ADGRL3: variants seen among roughly 807,000 people sequenced by gnomAD.
The protein encoded by ADGRL3 is adhesion G protein-coupled receptor L3.
ADGRL3 carries 62 observed loss-of-function variants against 153.5 expected under a neutral mutation model. That is an observed-to-expected ratio of 0.40 (90% confidence interval 0.33 to 0.50). The LOEUF (loss-of-function observed/expected upper bound fraction) is 0.50, where lower values mean the gene tolerates loss of function less well. Among genes scored for constraint, ADGRL3 ranks in the 20% least tolerant of loss-of-function variants. The pLI, the probability that ADGRL3 is intolerant of heterozygous loss-of-function variation, is 0.47. For synonymous variants in ADGRL3, 710 were observed against 672.5 expected (o/e 1.06, Z -0.86); for missense variants, 1,641 against 1,859.4 (o/e 0.88, Z 2.16).
In ADGRL3 at chr4:61,626,618, A is replaced by G. The variant is rs181922725; in HGVS notation, c.473+39178A>G. Among the ~76,000 whole-genome samples, 726 of 152,202 alleles carry G rather than the reference A, an allele frequency of 4.8e-3. 1 individual carries two copies. Among genetic ancestry groups the G allele is most frequent in the Non-Finnish European group, 8.4e-3 (572 of 67,940 alleles). On this transcript the variant is annotated intron_variant, in intron 5 of 26. Coordinates refer to ENST00000683033, the MANE Select transcript of ADGRL3 (RefSeq NM_001387552.1). Reference sequence around the variant, plus strand: ...GTTTATATAAATCCCTTATTTTATAATTGTATTTTCTATTATAACTTTATG... The same window carrying G: ...GTTTATATAAATCCCTTATTTTATAGTTGTATTTTCTATTATAACTTTATG...
chr4:61,919,806 G>A (rs2098760357), intron 13 of ADGRL3, among the ~76,000 whole-genome samples: 1 of 152,176 alleles, frequency 6.6e-6, no homozygotes, highest in African/African-American at 2.4e-5. Flanking sequence ...TGGCGAATGT[G>A]TCAGGTTAGA....
At chr4:61,519,412 TA>T (rs1488601793) in intron 4 of ADGRL3, among the ~76,000 whole-genome samples, 1 of 152,198 alleles carries the variant, frequency 6.6e-6, no homozygotes, top group Non-Finnish European at 1.5e-5. Context: ...TTTTATGTGA[TA>T]TTTTTAATGG....
At chr4:61,449,800 T>A (rs916116978) in intron 2 of ADGRL3, among the ~76,000 whole-genome samples, 15 of 152,152 alleles carry the variant, frequency 9.9e-5, no homozygotes, top group Admixed American at 5.2e-4. Context: ...GGTAACGTGT[T>A]CATATTCACC....
chr4:61,601,416 TG>T (rs1214025236), intron 5 of ADGRL3, among the ~76,000 whole-genome samples: 1 of 152,192 alleles, frequency 6.6e-6, no homozygotes, highest in East Asian at 1.9e-4. Context: ...AATCAATTTA[TG>T]TCAATTAAAC....
intron 5 of ADGRL3, among the ~76,000 whole-genome samples, chr4:61,593,897 T>A (rs893322228): frequency 6.6e-6 from 1 of 152,028 alleles, no homozygotes; most frequent in African/African-American, 2.4e-5. Context: ...ATCCCCCTTG[T>A]CTCTGTCTCT....
Position 61,948,182 on chromosome 4 carries a change from G to T in ADGRL3, c.2711G>T (p.Gly904Val). 1 of 1,613,750 alleles carries T rather than the reference G, an allele frequency of 6.2e-7. No homozygotes were observed. The highest frequency in any genetic ancestry group is 8.5e-7 in the Non-Finnish European group (1 of 1,179,820). ...RTMTGYWSTQ[G>V]CRLLTTNKTH... ...ATGACAGGTTATTGGTCAACACAAG[G>T]CTGTCGGCTCCTGACAACAAATAAG... Residue 904 changes from glycine (G) to valine (V), a missense_variant, in exon 17 of 27, where the codon GGC becomes GTC. Gly to Val is a moderately radical substitution (Grantham distance 109, BLOSUM62 -3). Coordinates refer to ENST00000683033, the MANE Select transcript of ADGRL3 (RefSeq NM_001387552.1).
intron 5 of ADGRL3, among the ~76,000 whole-genome samples, chr4:61,638,846 C>T (rs2093543482): frequency 6.6e-6 from 1 of 152,190 alleles, no homozygotes; most frequent in Non-Finnish European, 1.5e-5. Context: ...TTGGCTCTGA[C>T]TCACTTCAGT....
intron 21 of ADGRL3, among the ~76,000 whole-genome samples, chr4:62,010,560 A>G (rs1169838321): frequency 6.6e-6 from 1 of 152,186 alleles, no homozygotes; most frequent in African/African-American, 2.4e-5. Flanking sequence ...AGAACAATAT[A>G]AGAATGTCAT....
rs2098927599 is a variant in ADGRL3 at position 61,946,940 on chromosome 4, T to C, written c.2446T>C (p.Tyr816His). ...NGEIRVAFVL[Y>H]NNLGPYLSTE... The stretch of plus-strand genomic sequence containing the variant: ...AGAGATCAGAGTGGCCTTTGTCCTG[T>C]ATAACAACTTGGGTCCTTATTTATC... The change falls in exon 16 of 27, where the codon TAT becomes CAT. Residue 816 changes from tyrosine (Y) to histidine (H), a missense_variant. Coordinates refer to ENST00000683033, the MANE Select transcript of ADGRL3 (RefSeq NM_001387552.1). 6.2e-7 allele frequency: 1 copy of C among 1,613,828 alleles called. No individual in the cohort carries two copies. Among genetic ancestry groups the C allele is most frequent in the East Asian group, 2.2e-5 (1 of 44,842 alleles).
intron 5 of ADGRL3, among the ~76,000 whole-genome samples, chr4:61,598,571 C>A (rs1221123648): frequency 6.6e-6 from 1 of 152,130 alleles, no homozygotes; most frequent in Admixed American, 6.5e-5. Flanking sequence ...ATGGTTACAG[C>A]ATGAACTCAA....
intron 5 of ADGRL3, among the ~76,000 whole-genome samples, chr4:61,641,177 C>A (rs1489223050): frequency 2.0e-5 from 3 of 151,878 alleles, no homozygotes; most frequent in African/African-American, 7.3e-5. Context: ...CAACCTCACA[C>A]GGCTATTTTG....
At chr4:61,346,308 T>TACACAC (rs10693257) in intron 1 of ADGRL3, among the ~76,000 whole-genome samples, 5,867 of 144,566 alleles carry the variant, frequency 0.041, 279 homozygotes, top group African/African-American at 0.12. Flanking sequence ...TGTCACAGTC[T>TACACAC]ACACACACAC....
chr4:61,447,600 G>T (rs146982010), intron 2 of ADGRL3, among the ~76,000 whole-genome samples: 1 of 152,170 alleles, frequency 6.6e-6, no homozygotes, highest in Non-Finnish European at 1.5e-5. Context: ...AATCAGCATT[G>T]TACATAGAAA....
chr4:61,330,264 CT>C (rs1382021328), intron 1 of ADGRL3, among the ~76,000 whole-genome samples: 1 of 152,036 alleles, frequency 6.6e-6, no homozygotes, highest in East Asian at 1.9e-4. Context: ...GGGAGGATGT[CT>C]CCAGAAAAGA....
chr4:62,057,581 G>T (rs1411699666), intron 25 of ADGRL3, among the ~76,000 whole-genome samples: 1 of 152,130 alleles, frequency 6.6e-6, no homozygotes, highest in Non-Finnish European at 1.5e-5. Flanking sequence ...ACGAAAATCG[G>T]TTTTGCTTTG....
At chr4:61,277,340 C>G (rs17238918) in intron 1 of ADGRL3, among the ~76,000 whole-genome samples, 40,409 of 152,000 alleles carry the variant, frequency 0.27, 5,659 homozygotes, top group South Asian at 0.39. Context: ...TTTCATACTG[C>G]TTTGTCTTGA....
intron 4 of ADGRL3, among the ~76,000 whole-genome samples, chr4:61,526,487 A>G (rs1338888680): frequency 6.6e-6 from 1 of 152,092 alleles, no homozygotes; most frequent in Non-Finnish European, 1.5e-5. Flanking sequence ...TTGGAAGACT[A>G]ATACACTTGG....
At chr4:61,590,999 G>C (rs927386206) in intron 5 of ADGRL3, among the ~76,000 whole-genome samples, 4 of 152,098 alleles carry the variant, frequency 2.6e-5, no homozygotes, top group African/African-American at 9.7e-5. Context: ...ACACCTCAAT[G>C]AATTTTCACA....
At chr4:62,049,942 G>A (rs1441482691) in intron 25 of ADGRL3, among the ~76,000 whole-genome samples, 9 of 152,014 alleles carry the variant, frequency 5.9e-5, no homozygotes, top group African/African-American at 1.4e-4. Context: ...GGCCTGGAAC[G>A]TAATTATTAT....
Sources: allele counts gnomAD v4.1 joint callset (sites outside exome capture counted in the v4.1 genomes callset), GRCh38; gene constraint gnomAD v4.1.1; transcripts MANE v1.5; gene names NCBI Gene and HGNC (gene_info 2026-07-23, HGNC 2026-07-21).